The following USP10 variants were observed in gnomAD, a reference collection of about 807,000 sequenced individuals.
The protein encoded by USP10 is ubiquitin carboxyl-terminal hydrolase 10.
Under a neutral mutation model 84.5 loss-of-function variants are expected in USP10, and 22 were observed. The observed-to-expected ratio is 0.26, with a 90% CI of 0.19 to 0.37. USP10 has a LOEUF of 0.37. USP10 is among the 10% of genes least tolerant of loss of function. USP10 has a pLI of 1.00. For synonymous variants in USP10, 454 were observed against 387.6 expected, an observed-to-expected ratio of 1.17 and a Z score of -2.01; for missense variants, 1,019 against 998.9, an observed-to-expected ratio of 1.02 and a Z score of -0.27.
In USP10 at chr16:84,740,388, T is replaced by G. The variant is rs1457756898; in HGVS notation, c.151+19T>G. Reference sequence around the variant, plus strand: ...CCTGATGGTAAGCTAGTTCTCTCCTTATTTCCCTGAAGGGAATTTGGCCAT... The same window carrying G: ...CCTGATGGTAAGCTAGTTCTCTCCTGATTTCCCTGAAGGGAATTTGGCCAT... On this transcript the variant is annotated intron_variant, in intron 3 of 13. Transcript: ENST00000219473. The G allele has an allele frequency of 6.2e-7, 1 of 1,608,786 alleles. No homozygotes were observed. The highest frequency in any genetic ancestry group is 8.5e-7 in the Non-Finnish European group (1 of 1,176,496).
chr16:84,742,658 C>T (rs1176138207), intron 3 of USP10, among the ~76,000 whole-genome samples: 1 of 152,186 alleles, frequency 6.6e-6, no homozygotes, highest in Non-Finnish European at 1.5e-5. Context: ...TGCAGGCCGT[C>T]CTGCACTTCG....
intron 11 of USP10, among the ~76,000 whole-genome samples, chr16:84,769,274 C>G (rs1326668184): frequency 6.6e-6 from 1 of 152,174 alleles, no homozygotes; most frequent in African/African-American, 2.4e-5. Context: ...CTTGTGTGCT[C>G]TGAGTCAGAA....
chr16:84,762,830 G>A (rs142922340), intron 8 of USP10, among the ~76,000 whole-genome samples, 159 bp from the exon 9 acceptor site: 2 of 152,232 alleles, frequency 1.3e-5, no homozygotes, highest in African/African-American at 4.8e-5. Context: ...TGGGATTTCA[G>A]CTATGCAAGG....
intron 4 of USP10, among the ~76,000 whole-genome samples, chr16:84,755,528 G>C (rs564167599): frequency 1.3e-5 from 2 of 152,136 alleles, no homozygotes; most frequent in South Asian, 2.1e-4. Context: ...GGACCTGTGC[G>C]TATGTTTGTG....
At chr16:84,736,756 A>C (rs189895273) in intron 2 of USP10, among the ~76,000 whole-genome samples, 2 of 152,242 alleles carry the variant, frequency 1.3e-5, no homozygotes, top group South Asian at 2.1e-4. Flanking sequence ...GTGGGTACTC[A>C]TGGAGAGTAG....
intron 4 of USP10, among the ~76,000 whole-genome samples, chr16:84,746,394 T>G (rs1597355925): frequency 1.3e-5 from 2 of 152,196 alleles, no homozygotes; most frequent in Admixed American, 1.3e-4. Context: ...GATGTGCGTG[T>G]TAACATCAGA....
chr16:84,760,946 C>G lies in USP10; in HGVS notation c.1554+671C>G, dbSNP rs544681740. 4.6e-5 allele frequency among the ~76,000 whole-genome samples: 7 copies of G among 152,230 alleles called. No individual in the cohort carries two copies. In the South Asian group the frequency reaches 1.5e-3, roughly 32 times the overall value. The stretch of plus-strand genomic sequence containing the variant: ...GAGAGAAAAATAGTTGAGAAAATGC[C>G]ATTTAAGTCAAGTTTACTTGAAGCT... On this transcript the variant is annotated intron_variant, in intron 8 of 13. Coordinates refer to ENST00000219473, the MANE Select transcript of USP10 (RefSeq NM_005153.3).
At position 84,745,631 on chromosome 16, in the gene USP10, C is replaced by G. The variant is rs748995383; in HGVS notation, c.1150C>G (p.Leu384Val). ...AAAGCAGGTTGAAGTCAAAGAAGGG[C>G]TTGTTCCGGTTTCAGAGGATCCTGT... is the stretch of plus-strand genomic sequence containing the variant. Reference protein sequence around the residue: ...SEKQVEVKEGLVPVSEDPVAI... With the variant: ...SEKQVEVKEGVVPVSEDPVAI... The change falls in exon 4 of 14, where the codon CTT (leucine) becomes GTT (valine). Residue 384 changes from leucine (L) to valine (V), a missense_variant. Leu to Val is a conservative substitution (Grantham distance 32). Coordinates refer to ENST00000219473, the MANE Select transcript of USP10 (RefSeq NM_005153.3). 1.2e-6 allele frequency: 2 copies of G among 1,613,308 alleles called. No homozygotes were observed. Among genetic ancestry groups the G allele is most frequent in the South Asian group, 1.1e-5 (1 of 90,902 alleles).
intron 13 of USP10, among the ~76,000 whole-genome samples, chr16:84,778,058 C>G (rs1332346854): frequency 8.5e-6 from 1 of 118,032 alleles, no homozygotes; most frequent in African/African-American, 3.0e-5. Flanking sequence ...ACTAAGGCTT[C>G]TTGGTTATAG....
At chr16:84,768,403 G>GT (rs1914086213) in intron 11 of USP10, 45 bp downstream of exon 11, 1 of 1,469,030 alleles carries the variant, frequency 6.8e-7, no homozygotes, top group Admixed American at 2.2e-5. Context: ...AGGTGCTCTG[G>GT]TTTGGTGGAA....
At chr16:84,719,538 A>T (rs1275171374) in intron 1 of USP10, among the ~76,000 whole-genome samples, 1 of 152,166 alleles carries the variant, frequency 6.6e-6, no homozygotes, top group Admixed American at 6.5e-5. Context: ...AGGTTCGAGG[A>T]CTGTTGTCTT....
chr16:84,756,360 A>G (rs1025141997), intron 4 of USP10, among the ~76,000 whole-genome samples: 1 of 152,224 alleles, frequency 6.6e-6, no homozygotes, highest in Admixed American at 6.5e-5. Flanking sequence ...TGGGAGACCA[A>G]GGCAGGTGGA....
rs1203261865 is a variant in USP10 at position 84,748,950 on chromosome 16, A to G, written c.1192+3277A>G. ...ATTATTTTTTTAATCCTATTTGGTT[A>G]GGTCAGTTATGAAGATGTTTTAATT... On this transcript the variant is annotated intron_variant, in intron 4 of 13. Coordinates refer to ENST00000219473, the MANE Select transcript of USP10 (RefSeq NM_005153.3). 2.0e-5 allele frequency among the ~76,000 whole-genome samples: 3 copies of G among 152,220 alleles called. No homozygotes were observed. The East Asian group carries it at 5.8e-4, about 29-fold the overall frequency.
At chr16:84,719,363 G>T (rs1907485059) in intron 1 of USP10, among the ~76,000 whole-genome samples, 2 of 152,096 alleles carry the variant, frequency 1.3e-5, no homozygotes, top group Admixed American at 1.3e-4. Flanking sequence ...CTTTTACTTG[G>T]ATCACGGGAA....
At chr16:84,738,097 T>G (rs1910168330) in intron 2 of USP10, among the ~76,000 whole-genome samples, 1 of 95,892 alleles carries the variant, frequency 1.0e-5, no homozygotes. Context: ...GCTCTCTGCC[T>G]TGTGAAGTGG....
Position 84,745,457 on chromosome 16 carries a change from G to T in USP10, c.976G>T (p.Gly326Cys), listed in dbSNP as rs111471007. 2.5e-6 allele frequency: 4 copies of T among 1,613,524 alleles called. No homozygotes were observed. In the African/African-American group the frequency reaches 4.0e-5, roughly 16 times the overall value. The change falls in exon 4 of 14, where the codon GGC becomes TGC. Residue 326 changes from glycine to cysteine, a missense_variant. By Grantham distance (159) the Gly-to-Cys change is radical. This residue lies in a region of USP10 where 787 missense variants were observed against 708.8 expected (regional missense o/e 1.11). Coordinates refer to ENST00000219473, the MANE Select transcript of USP10 (RefSeq NM_005153.3). ...KPESASPPAD[G>C]TGSASGTLPV... Reference sequence around the variant, plus strand: ...CGAGAGTGCATCACCTCCTGCTGACGGCACGGGCTCTGCATCAGGCACCCT... The same window carrying T: ...CGAGAGTGCATCACCTCCTGCTGACTGCACGGGCTCTGCATCAGGCACCCT...
At chr16:84,739,422 C>T (rs1342629668) in intron 2 of USP10, among the ~76,000 whole-genome samples, 1 of 152,114 alleles carries the variant, frequency 6.6e-6, no homozygotes, top group Admixed American at 6.5e-5. Flanking sequence ...CAGGTGCCTG[C>T]CACCACGCCC....
intron 1 of USP10, among the ~76,000 whole-genome samples, chr16:84,711,002 G>T (rs527760891): frequency 4.8e-4 from 73 of 152,286 alleles, no homozygotes; most frequent in Middle Eastern, 6.8e-3. Context: ...AATATGAATT[G>T]TGCCCCTCCC....
Position 84,772,802 on chromosome 16 carries a change from G to A in USP10, c.2143+117G>A. On this transcript the variant is annotated intron_variant, in intron 12 of 13. Coordinates refer to ENST00000219473, the MANE Select transcript of USP10 (RefSeq NM_005153.3). ...GTGAGGACATTCTCTTGCTGGACGT[G>A]GACTTGTTTTAAGTTTCTTGACTTG... is the stretch of plus-strand genomic sequence containing the variant. 3.0e-6 allele frequency: 4 copies of A among 1,347,644 alleles called. 1 individual carries two copies. In the South Asian group the frequency reaches 6.0e-5, roughly 20 times the overall value. 83.5% of individuals were successfully genotyped at this position (1,347,644 alleles called of 1,614,324 possible).
Sources: allele counts gnomAD v4.1 joint callset (sites outside exome capture counted in the v4.1 genomes callset), GRCh38; gene constraint gnomAD v4.1.1; regional missense constraint gnomAD v4.1.1; transcripts MANE v1.5; gene names NCBI Gene and HGNC (gene_info 2026-07-23, HGNC 2026-07-21).